The following PRKD2 variants were observed in gnomAD, a reference collection of about 807,000 sequenced individuals.
PRKD2 encodes serine/threonine-protein kinase D2.
PRKD2 carries 22 observed loss-of-function variants against 86.0 expected under a neutral mutation model. The observed-to-expected ratio is 0.26, with a 90% CI of 0.18 to 0.37. The LOEUF (loss-of-function observed/expected upper bound fraction) is 0.37. Ranked by LOEUF, PRKD2 falls within the 10% of genes least tolerant of loss-of-function variation. PRKD2 has a pLI of 1.00. For synonymous variants in PRKD2, 509 were observed against 510.9 expected (o/e 1.00, Z 0.05); for missense variants, 818 against 1,199.2 (o/e 0.68, Z 4.70).
At chr19:46,689,434 T>G in intron 14 of PRKD2, 103 bp downstream of exon 14, 1 of 1,338,280 alleles carries the variant, frequency 7.5e-7, no homozygotes, top group South Asian at 1.4e-5. Context: ...TATCTGCTAT[T>G]GTGACTCCCC....
At chr19:46,684,448 A>G (rs984958019) in intron 14 of PRKD2, among the ~76,000 whole-genome samples, 4 of 152,004 alleles carry the variant, frequency 2.6e-5, no homozygotes, top group Admixed American at 6.6e-5. Context: ...CAGCCTCCCC[A>G]GTAGCTGGGA....
intron 3 of PRKD2, among the ~76,000 whole-genome samples, chr19:46,707,828 G>A (rs1311222427): frequency 6.6e-6 from 1 of 152,144 alleles, no homozygotes; most frequent in Non-Finnish European, 1.5e-5. Flanking sequence ...CAGGCGCGGT[G>A]GCTCATGCCT....
chr19:46,697,336 C>T, intron 8 of PRKD2, 102 bp from the exon 9 acceptor site: 1 of 834,582 alleles, frequency 1.2e-6, no homozygotes, highest in Non-Finnish European at 1.9e-6. Context: ...GCACCACGTG[C>T]ACGCCGTAAC....
In PRKD2 at chr19:46,704,327, G is replaced by A; in HGVS notation, c.731C>T (p.Ser244Leu). 1 of 1,614,250 alleles carries A rather than the reference G, an allele frequency of 6.2e-7. No individual in the cohort carries two copies. Among genetic ancestry groups the A allele is most frequent in the Non-Finnish European group, 8.5e-7 (1 of 1,180,050 alleles). The change falls in exon 5 of 18, where the codon TCA (serine) becomes TTA (leucine). Residue 244 changes from serine to leucine, a missense_variant. Physicochemically the swap from Ser to Leu is moderately radical, Grantham distance 145. Coordinates refer to ENST00000291281, the MANE Select transcript of PRKD2 (RefSeq NM_016457.5). ...CTCAATGGGGCGGCCCGTATACGAT[G>A]AGGCAGAAGAGGAGGAAGAGGATGA... is the stretch of plus-strand genomic sequence containing the variant. The part of the protein sequence containing the change: ...PPSSSSSSSA[S>L]SYTGRPIELD...
At chr19:46,695,571 C>A (rs1351563546) in intron 9 of PRKD2, among the ~76,000 whole-genome samples, 1 of 152,198 alleles carries the variant, frequency 6.6e-6, no homozygotes, top group Admixed American at 6.5e-5. Context: ...TGTCCAAGGG[C>A]CCTAGGAAGC....
chr19:46,697,321 C>T, intron 8 of PRKD2, 87 bp from the exon 9 acceptor site: 1 of 1,014,892 alleles, frequency 9.9e-7, no homozygotes, highest in South Asian at 1.5e-5. Context: ...CTCCAGGTGC[C>T]TGGAGCACCA....
At position 46,694,075 on chromosome 19, in the gene PRKD2, G is replaced by A. The variant is rs778780083; in HGVS notation, c.1376C>T (p.Pro459Leu). The part of the protein sequence containing the change: ...VESAQNFSLV[P>L]PGTNPHCFEI... ...AAAGCAGTGTGGGTTGGTGCCCGGC[G>A]GCACAAGGCTGAAGTTCTGGGCGGA... The change falls in exon 10 of 18, where the codon CCG becomes CTG. Residue 459 changes from proline to leucine, a missense_variant. Pro to Leu is a moderately conservative substitution (Grantham distance 98). This residue lies in a region of PRKD2 where 127 missense variants were observed against 157.8 expected (regional missense o/e 0.80). Coordinates refer to ENST00000291281, the MANE Select transcript of PRKD2 (RefSeq NM_016457.5). 2.2e-5 allele frequency: 35 copies of A among 1,614,158 alleles called. No individual in the cohort carries two copies. The highest frequency in any genetic ancestry group is 5.5e-5 in the South Asian group (5 of 91,084).
intron 3 of PRKD2, among the ~76,000 whole-genome samples, chr19:46,708,697 G>A (rs2053754027): frequency 6.6e-6 from 1 of 152,156 alleles, no homozygotes; most frequent in Admixed American, 6.6e-5. Flanking sequence ...CTGCAAGGCA[G>A]GAAAGCAGGC....
chr19:46,697,221 T>C lies in PRKD2; in HGVS notation c.1253A>G (p.Tyr418Cys), dbSNP rs747857891. 1 of 1,592,256 alleles carries C rather than the reference T, an allele frequency of 6.3e-7. No homozygotes were observed. Among genetic ancestry groups the C allele is most frequent in the Non-Finnish European group, 8.6e-7 (1 of 1,160,476 alleles). The change falls in exon 9 of 18, where the codon TAT becomes TGT. Residue 418 changes from tyrosine (Y) to cysteine (C), a missense_variant. Physicochemically the swap from Tyr to Cys is radical, Grantham distance 194 (BLOSUM62 -2). Transcript: ENST00000291281. ...GATACACTTGCAGTCCAGGCGCCAA[T>C]AGTGCCGCTTTCTCTGCAGAGATGT... ...SNKDTLRKRHYWRLDCKCITL... is the reference protein window; with the variant it reads ...SNKDTLRKRHCWRLDCKCITL...
Position 46,674,368 on chromosome 19 carries a change from A to T in PRKD2, c.*155T>A. ...GATGAGTCCGTTTTAATTGCTGGGG[A>T]AACAGGGAGGGGCCTTGGAAATAGC... On this transcript the variant is annotated 3_prime_UTR_variant, in exon 18 of 18. Transcript: ENST00000291281. 1 of 752,238 alleles carries T rather than the reference A, an allele frequency of 1.3e-6. No individual in the cohort carries two copies. Among genetic ancestry groups the T allele is most frequent in the Non-Finnish European group, 2.1e-6 (1 of 478,034 alleles). The allele number at this position is 752,238 out of a possible 1,614,324, so 46.6% of individuals were successfully genotyped here. A position where few individuals can be genotyped will look rare whatever the true frequency, so the allele number is the denominator to read the frequency against.
chr19:46,709,274 A>C (rs866898163), intron 3 of PRKD2: 1 of 166,480 alleles, frequency 6.0e-6, no homozygotes, highest in Non-Finnish European at 1.4e-5. Context: ...TGCCCAGTCA[A>C]GGTTTGTTTT....
chr19:46,677,425 T>C (rs2053225042), intron 16 of PRKD2: 1 of 152,016 alleles, frequency 6.6e-6, no homozygotes, highest in African/African-American at 2.4e-5. Flanking sequence ...AATAAATGGT[T>C]ATAAATAAAT....
At chr19:46,699,042 T>C (rs571730230) in intron 7 of PRKD2, among the ~76,000 whole-genome samples, 27 of 152,218 alleles carry the variant, frequency 1.8e-4, no homozygotes, top group Middle Eastern at 6.8e-3. Context: ...AAACACTCTG[T>C]CGTCACTGTG....
intron 3 of PRKD2, among the ~76,000 whole-genome samples, chr19:46,709,624 G>A (rs904406644): frequency 7.2e-5 from 11 of 152,108 alleles, no homozygotes; most frequent in Non-Finnish European, 1.3e-4. Context: ...GCCTCCCAGA[G>A]TGCTGGGATT....
At position 46,675,129 on chromosome 19, in the gene PRKD2, A is replaced by G. The variant is rs778663173; in HGVS notation, c.2339-11T>C. 4.4e-6 allele frequency: 7 copies of G among 1,605,620 alleles called. No individual in the cohort carries two copies. The African/African-American group carries it at 9.4e-5, about 21-fold the overall frequency. On this transcript the variant is annotated splice_polypyrimidine_tract_variant and intron_variant, in intron 16 of 17. Coordinates refer to ENST00000291281, the MANE Select transcript of PRKD2 (RefSeq NM_016457.5). Reference sequence around the variant, plus strand: ...TGATGAGGTCAATGGCTGCACAGGAAAGAGAAACAGGTCAAGCCCTACAGG... The same window carrying G: ...TGATGAGGTCAATGGCTGCACAGGAGAGAGAAACAGGTCAAGCCCTACAGG...
At chr19:46,684,962 C>CAAA (rs113835407) in intron 14 of PRKD2, among the ~76,000 whole-genome samples, 2 of 133,596 alleles carry the variant, frequency 1.5e-5, no homozygotes, top group East Asian at 2.4e-4. Flanking sequence ...GACTCCATCT[C>CAAA]AAAAAAAAAA....
rs535546432 is a variant in PRKD2 at position 46,699,958 on chromosome 19, A to G, written c.1121+841T>C. Among the ~76,000 whole-genome samples the G allele has an allele frequency of 2.0e-5, 3 of 149,836 alleles. No individual in the cohort carries two copies. The South Asian group carries it at 6.3e-4, about 32-fold the overall frequency. On this transcript the variant is annotated intron_variant, in intron 7 of 17. Transcript: ENST00000291281. The stretch of plus-strand genomic sequence containing the variant: ...AAAAAAAAGAAGAGGAATATAGGTC[A>G]GGCGCGGTGGCTCATGCCTGTAATC...
Position 46,681,636 on chromosome 19 carries a change from G to T in PRKD2, c.2070+14C>A. 2 of 1,532,046 alleles carry T rather than the reference G, an allele frequency of 1.3e-6. No homozygotes were observed. Among genetic ancestry groups the T allele is most frequent in the Middle Eastern group, 1.7e-4 (1 of 5,804 alleles). 94.9% of individuals were successfully genotyped at this position (1,532,046 alleles called of 1,614,324 possible). A position where few individuals can be genotyped will look rare whatever the true frequency, so the allele number is the denominator to read the frequency against. On this transcript the variant is annotated intron_variant, in intron 15 of 17. Coordinates refer to ENST00000291281, the MANE Select transcript of PRKD2 (RefSeq NM_016457.5). ...TGCCTGGATTTCCCCAAATCAGGAG[G>T]GGACATAACTGACCTGAGGAAATGG...
At chr19:46,715,566 T>A (rs1328850609) in intron 1 of PRKD2, among the ~76,000 whole-genome samples, 2 of 151,946 alleles carry the variant, frequency 1.3e-5, no homozygotes. Context: ...AAATTAAGAG[T>A]AGGCTAACAG....
Sources: gnomAD v4.1 joint callset for allele counts (sites outside exome capture counted in the v4.1 genomes callset) on GRCh38, gnomAD v4.1.1 for gene constraint, gnomAD v4.1.1 regional missense constraint, MANE v1.5 for transcripts, NCBI Gene and HGNC (gene_info 2026-07-23, HGNC 2026-07-21) for gene names.